The following EPM2A variants were observed in gnomAD, a reference collection of about 807,000 sequenced individuals.
The protein encoded by EPM2A is laforin.
In EPM2A, 21 loss-of-function variants were observed where a neutral mutation model predicts 26.5. That is an observed-to-expected ratio of 0.79 (90% CI 0.56 to 1.14). The LOEUF is 1.14. Ranked by LOEUF, EPM2A falls within the 50% of genes most tolerant of loss-of-function variation. The pLI, the probability that EPM2A is intolerant of heterozygous loss-of-function variation, is 0.00. For missense variants in EPM2A, 458 were observed against 440.8 expected (o/e 1.04, Z -0.35); for synonymous variants, 217 against 177.6 (o/e 1.22, Z -1.76).
At chr6:145,652,636 T>G (rs1777965839) in intron 2 of EPM2A, among the ~76,000 whole-genome samples, 2 of 151,946 alleles carry the variant, frequency 1.3e-5, no homozygotes, top group South Asian at 4.2e-4. Flanking sequence ...TCTTTGTAAT[T>G]ATCACAAGGA....
At chr6:145,403,833 C>G (rs536785806) in intron 4 of EPM2A, among the ~76,000 whole-genome samples, 19 of 152,248 alleles carry the variant, frequency 1.2e-4, no homozygotes, top group African/African-American at 4.3e-4. Context: ...TTTTGAGGAA[C>G]CTCCAAACTA....
At chr6:145,398,948 T>C (rs1177780807) in intron 4 of EPM2A, among the ~76,000 whole-genome samples, 1 of 152,124 alleles carries the variant, frequency 6.6e-6, no homozygotes, top group Non-Finnish European at 1.5e-5. Context: ...GTCAACTTTC[T>C]GAGTCCAATT....
chr6:145,622,895 A>C (rs371826231), downstream of EPM2A, among the ~76,000 whole-genome samples: 3 of 152,348 alleles, frequency 2.0e-5, no homozygotes, highest in African/African-American at 7.2e-5. Flanking sequence ...TGGGTGGTTC[A>C]TTAAGAGCTT....
chr6:145,680,158 T>G (rs1390644986), intron 2 of EPM2A: 1 of 151,702 alleles, frequency 6.6e-6, no homozygotes. Flanking sequence ...TGGGGGAGGT[T>G]GGGTGGGGGA....
chr6:145,432,560 CT>C (rs1385439615), intron 4 of EPM2A, among the ~76,000 whole-genome samples: 1 of 150,134 alleles, frequency 6.7e-6, no homozygotes, highest in East Asian at 2.0e-4. Flanking sequence ...ATAAACCATG[CT>C]GTAAAGAGAT....
chr6:145,510,990 T>C (rs1182878638), intron 2 of EPM2A, among the ~76,000 whole-genome samples: 3 of 152,016 alleles, frequency 2.0e-5, no homozygotes, highest in African/African-American at 7.2e-5. Context: ...CTAGAAAATC[T>C]AGAGAAAATG....
chr6:145,725,701 AT>A (rs1776170507), intron 1 of EPM2A, among the ~76,000 whole-genome samples: 1 of 152,078 alleles, frequency 6.6e-6, no homozygotes, highest in African/African-American at 2.4e-5. Flanking sequence ...ATTATTTGAC[AT>A]TGTGGAAAGG....
At chr6:145,532,387 C>T (rs1780370821) in intron 2 of EPM2A, among the ~76,000 whole-genome samples, 1 of 152,106 alleles carries the variant, frequency 6.6e-6, no homozygotes, top group African/African-American at 2.4e-5. Context: ...GAGTAAATAA[C>T]TTAGAGCAGA....
At chr6:145,388,690 G>C (rs1436357664) in intron 4 of EPM2A, among the ~76,000 whole-genome samples, 1 of 152,006 alleles carries the variant, frequency 6.6e-6, no homozygotes, top group Admixed American at 6.6e-5. Context: ...ACAGGCCCCA[G>C]TGTATGATGT....
At chr6:145,414,682 T>C (rs1159192893) in intron 4 of EPM2A, among the ~76,000 whole-genome samples, 3 of 152,092 alleles carry the variant, frequency 2.0e-5, no homozygotes, top group Non-Finnish European at 4.4e-5. Context: ...CCATTTACTC[T>C]CTGTCTCTTG....
chr6:145,587,862 A>C (rs982737660), intron 2 of EPM2A, among the ~76,000 whole-genome samples: 1 of 152,234 alleles, frequency 6.6e-6, no homozygotes, highest in Non-Finnish European at 1.5e-5. Flanking sequence ...TTTTCTAAAT[A>C]AATTTATCTT....
At chr6:145,396,539 G>A (rs1045639739) in intron 4 of EPM2A, among the ~76,000 whole-genome samples, 1 of 152,110 alleles carries the variant, frequency 6.6e-6, no homozygotes, top group African/African-American at 2.4e-5. Flanking sequence ...AGACAATACT[G>A]TTGGAGACTT....
intron 4 of EPM2A, among the ~76,000 whole-genome samples, chr6:145,424,918 G>T (rs574588011): frequency 1.3e-5 from 2 of 152,132 alleles, no homozygotes; most frequent in Admixed American, 1.3e-4. Context: ...ACTCAGTGTG[G>T]TATTTTGTTA....
intron 4 of EPM2A, among the ~76,000 whole-genome samples, chr6:145,443,975 A>G (rs974235747): frequency 1.3e-5 from 2 of 152,204 alleles, no homozygotes; most frequent in Admixed American, 1.3e-4. Context: ...TGTAAGGCCA[A>G]TTAAACCTCT....
At chr6:145,615,842 G>C (rs1427456433) in intron 2 of EPM2A, among the ~76,000 whole-genome samples, 1 of 130,720 alleles carries the variant, frequency 7.6e-6, no homozygotes, top group Non-Finnish European at 1.8e-5. Flanking sequence ...GATGATTTAG[G>C]GTATCTGGCA....
At chr6:145,476,732 G>A (rs778918453) in intron 4 of EPM2A, among the ~76,000 whole-genome samples, 11 of 151,736 alleles carry the variant, frequency 7.2e-5, no homozygotes, top group Non-Finnish European at 8.8e-5. Flanking sequence ...AGAAGGAAAC[G>A]GAAAAATGTC....
chr6:145,718,730 G>C (rs1209945722), intron 1 of EPM2A, among the ~76,000 whole-genome samples: 1 of 152,110 alleles, frequency 6.6e-6, no homozygotes, highest in Non-Finnish European at 1.5e-5. Flanking sequence ...ATCTGACAAA[G>C]GGCTAATATC....
At chr6:145,717,923 A>G (rs1775728078) in intron 1 of EPM2A, among the ~76,000 whole-genome samples, 2 of 151,746 alleles carry the variant, frequency 1.3e-5, no homozygotes, top group Admixed American at 6.6e-5. Context: ...GATGTGAAGG[A>G]CCTCTTCAAG....
chr6:145,513,175 C>T (rs933161622), intron 2 of EPM2A, among the ~76,000 whole-genome samples: 27 of 152,114 alleles, frequency 1.8e-4, no homozygotes, highest in South Asian at 2.1e-4. Flanking sequence ...GGATTAATAT[C>T]CTGAGTCTAT....
Sources: gnomAD v4.1 joint callset for allele counts (sites outside exome capture counted in the v4.1 genomes callset) on GRCh38, gnomAD v4.1.1 for gene constraint, MANE v1.5 for transcripts, NCBI Gene and HGNC (gene_info 2026-07-23, HGNC 2026-07-21) for gene names.